The following KIAA1210 variants were observed in gnomAD, a reference collection of about 807,000 sequenced individuals.
KIAA1210 encodes the protein acrosomal protein KIAA1210.
In KIAA1210, 48 loss-of-function variants were observed where a neutral mutation model predicts 78.9. The ratio of observed to expected loss-of-function variants is 0.61; its 90% CI spans 0.48 to 0.77. KIAA1210 has a LOEUF of 0.77. Among genes scored for constraint, KIAA1210 ranks in the 30% least tolerant of loss-of-function variants. The pLI is 0.00. For synonymous variants in KIAA1210, 406 were observed against 404.5 expected (o/e 1.00, Z -0.04); for missense variants, 1,108 against 1,100.0 (o/e 1.01, Z -0.10).
At chrX:119,148,922 C>G (rs1410653955) in intron 1 of KIAA1210, among the ~76,000 whole-genome samples, 1 of 110,494 alleles carries the variant, frequency 9.1e-6, no homozygotes, top group Non-Finnish European at 1.9e-5. Flanking sequence ...TCCTGTGTTT[C>G]TGCCCAAATT....
chrX:119,112,283 T>C (rs1928104560), intron 3 of KIAA1210, among the ~76,000 whole-genome samples: 1 of 111,654 alleles, frequency 9.0e-6, no homozygotes, highest in Non-Finnish European at 1.9e-5. Flanking sequence ...ATTAAAAATG[T>C]TCGTGCATCA....
Position 119,096,517 on chromosome X carries a change from G to T in KIAA1210, c.823C>A (p.Gln275Lys). ...ACAATCACTTGAAGGTTCTTCTTTT[G>T]TTTGCGGGGATTTAAAGTCATTTTG... ...RHKMTLNPRK[Q>K]KKNLQVIVEP... Residue 275 changes from glutamine (Q) to lysine (K), a missense_variant, in exon 7 of 12, where the codon CAA becomes AAA. Physicochemically the swap from Gln to Lys is moderately conservative, Grantham distance 53. Transcript: ENST00000691062. 1 of 1,209,939 alleles carries T rather than the reference G, an allele frequency of 8.3e-7. No individual in the cohort carries two copies. Among genetic ancestry groups the T allele is most frequent in the Non-Finnish European group, 1.1e-6 (1 of 894,447 alleles).
intron 5 of KIAA1210, among the ~76,000 whole-genome samples, chrX:119,105,909 C>T (rs188704265): frequency 1.4e-4 from 16 of 111,854 alleles, no homozygotes; most frequent in African/African-American, 4.9e-4. Context: ...TTAACAAATA[C>T]TGGCCAAGAA....
intron 5 of KIAA1210, among the ~76,000 whole-genome samples, chrX:119,107,289 T>G (rs60117408): frequency 0.016 from 1,824 of 112,644 alleles, 49 homozygotes; most frequent in African/African-American, 0.056. Flanking sequence ...CAAAAAATAA[T>G]TTTTTTAAAA....
intron 2 of KIAA1210, among the ~76,000 whole-genome samples, chrX:119,133,982 A>G (rs1358892157): frequency 9.0e-6 from 1 of 111,371 alleles, no homozygotes; most frequent in East Asian, 2.8e-4. Flanking sequence ...TGTTGGGAAC[A>G]TTTCAAGACC....
In KIAA1210 at chrX:119,086,788, T is replaced by C. The variant is rs764242791; in HGVS notation, c.3914A>G (p.Lys1305Arg). The change falls in exon 9 of 12, where the codon AAA becomes AGA. Residue 1305 changes from lysine (K) to arginine (R), a missense_variant. Physicochemically the swap from Lys to Arg is conservative, Grantham distance 26. Transcript: ENST00000691062. Reference sequence around the variant, plus strand: ...ATACTTCTGCGAGGGAGGGGCTCTTTTCAGTCGAACTCCAAAAAGCTTTTC... The same window carrying C: ...ATACTTCTGCGAGGGAGGGGCTCTTCTCAGTCGAACTCCAAAAAGCTTTTC... ...DVEKLFGVRL[K>R]RAPPSQKYKS... is the part of the protein sequence containing the mutation. 16 of 1,209,363 alleles carry C rather than the reference T, an allele frequency of 1.3e-5. No individual in the cohort carries two copies. The South Asian group carries it at 2.6e-4, about 20-fold the overall frequency.
intron 3 of KIAA1210, among the ~76,000 whole-genome samples, chrX:119,114,288 G>C (rs948305733): frequency 9.0e-6 from 1 of 111,451 alleles, no homozygotes; most frequent in Non-Finnish European, 1.9e-5. Flanking sequence ...GGGCCAACAG[G>C]AGAGGAGAGG....
At chrX:119,150,638 G>A, upstream of KIAA1210, 8 of 1,102,168 alleles carry the variant, frequency 7.3e-6, no homozygotes, top group Non-Finnish European at 9.8e-6. Flanking sequence ...CCCAGAAGCT[G>A]GGTTGAGGAC....
intron 10 of KIAA1210, 133 bp downstream of exon 10, chrX:119,085,250 G>A: frequency 1.7e-6 from 1 of 598,382 alleles, no homozygotes; most frequent in Non-Finnish European, 2.7e-6. Context: ...CTTTTTCCCT[G>A]AAGAGTCCTC....
In KIAA1210 at chrX:119,109,078, G is replaced by T; in HGVS notation, c.355C>A (p.Gln119Lys). 1 of 1,209,317 alleles carries T rather than the reference G, an allele frequency of 8.3e-7. No individual in the cohort carries two copies. Among genetic ancestry groups the T allele is most frequent in the African/African-American group, 1.7e-5 (1 of 57,587 alleles). ...CTGATGCTCGAGTCCACTATTACCTGCTGAGGTCTGCCTCTCTGGGGATCC... is the reference window on the plus strand; with the variant it reads ...CTGATGCTCGAGTCCACTATTACCTTCTGAGGTCTGCCTCTCTGGGGATCC... The part of the protein sequence containing the change: ...SMDPQRGRPQ[Q>K]RSHISRTLPK... The change falls in exon 4 of 12, where the codon CAG (glutamine) becomes AAG (lysine). Residue 119 changes from glutamine (Q) to lysine (K), a missense_variant and splice_region_variant. Physicochemically the swap from Gln to Lys is moderately conservative, Grantham distance 53. Coordinates refer to ENST00000691062, the MANE Select transcript of KIAA1210 (RefSeq NM_001394962.1).
intron 2 of KIAA1210, among the ~76,000 whole-genome samples, chrX:119,140,202 A>G (rs528668147): frequency 1.8e-5 from 2 of 111,852 alleles, no homozygotes; most frequent in South Asian, 7.5e-4. Context: ...TTACTTTCAG[A>G]TTGTTTAGAA....
In KIAA1210 at chrX:119,088,239, T is replaced by C; in HGVS notation, c.2463A>G (p.Gln821=). 1.7e-6 allele frequency: 2 copies of C among 1,211,629 alleles called. No individual in the cohort carries two copies. The highest frequency in any genetic ancestry group is 2.2e-6 in the Non-Finnish European group (2 of 895,331). ...CQPLMNPKVQ[Q]NMFSGSEDIA... ...TGTCCTCTGAACCTGAGAACATGTTTTGTTGAACTTTAGGATTCATCAAGG... is the reference window on the plus strand; with the variant it reads ...TGTCCTCTGAACCTGAGAACATGTTCTGTTGAACTTTAGGATTCATCAAGG... The change falls in exon 9 of 12, where the codon CAA becomes CAG. Residue 821 remains glutamine, a synonymous_variant. Coordinates refer to ENST00000691062, the MANE Select transcript of KIAA1210 (RefSeq NM_001394962.1).
At chrX:119,145,594 G>A (rs1929148682) in intron 2 of KIAA1210, among the ~76,000 whole-genome samples, 1 of 111,188 alleles carries the variant, frequency 9.0e-6, no homozygotes. Flanking sequence ...CAGGAGGTGA[G>A]TGGCAGGTGA....
upstream of KIAA1210, among the ~76,000 whole-genome samples, chrX:119,128,328 T>C (rs989251781): frequency 9.0e-6 from 1 of 111,263 alleles, no homozygotes; most frequent in African/African-American, 3.3e-5. Flanking sequence ...AAATCCCCAG[T>C]GGCTTCCCAT....
intron 8 of KIAA1210, among the ~76,000 whole-genome samples, chrX:119,092,010 A>G (rs774021654): frequency 2.6e-4 from 29 of 111,866 alleles, no homozygotes; most frequent in Non-Finnish European, 4.3e-4. Context: ...CTCTAATGAC[A>G]GGTGCACTAA....
chrX:119,108,836 C>G (rs921320789), intron 4 of KIAA1210, among the ~76,000 whole-genome samples: 17 of 104,383 alleles, frequency 1.6e-4, no homozygotes, highest in African/African-American at 5.7e-4. Flanking sequence ...AGAGTGAGAC[C>G]TGTCTCAAAA....
At chrX:119,130,644 G>A (rs1230233839), upstream of KIAA1210, among the ~76,000 whole-genome samples, 1 of 112,227 alleles carries the variant, frequency 8.9e-6, no homozygotes, top group East Asian at 2.8e-4. Flanking sequence ...TAAACATATG[G>A]GGACACATTG....
chrX:119,126,669 AT>A (rs773921590), intron 1 of KIAA1210, among the ~76,000 whole-genome samples: 1 of 111,827 alleles, frequency 8.9e-6, no homozygotes, highest in Non-Finnish European at 1.9e-5. Flanking sequence ...ACATCAATGG[AT>A]TTACACACCA....
chrX:119,089,494 G>T lies in KIAA1210; in HGVS notation c.1208C>A (p.Ala403Asp). ...RAGSSPTNKT[A>D]RNVPFSHLSL... ...CAAGTGCGAGAAAGGGACATTCCTGGCAGTCTTATTGGTAGGTGAAGACCC... is the reference window on the plus strand; with the variant it reads ...CAAGTGCGAGAAAGGGACATTCCTGTCAGTCTTATTGGTAGGTGAAGACCC... The change falls in exon 9 of 12, where the codon GCC (alanine) becomes GAC (aspartate). Residue 403 changes from alanine to aspartate, a missense_variant. This residue lies in a region of KIAA1210 where 672 missense variants were observed against 607.1 expected (regional missense o/e 1.11). Transcript: ENST00000691062. The T allele has an allele frequency of 8.3e-7, 1 of 1,211,693 alleles. No individual in the cohort carries two copies.
Sources: allele counts gnomAD v4.1 joint callset (sites outside exome capture counted in the v4.1 genomes callset), GRCh38; gene constraint gnomAD v4.1.1; regional missense constraint gnomAD v4.1.1; transcripts MANE v1.5; gene names NCBI Gene and HGNC (gene_info 2026-07-23, HGNC 2026-07-21).